The following TEX101 variants were observed in gnomAD, a reference collection of about 807,000 sequenced individuals.
TEX101 encodes the protein testis expressed 101, also known as testis-expressed protein 101.
Under a neutral mutation model 18.1 loss-of-function variants are expected in TEX101, and 10 were observed. That is an observed-to-expected ratio of 0.55 (90% CI 0.34 to 0.94). The LOEUF (loss-of-function observed/expected upper bound fraction) is 0.94, where lower values mean the gene tolerates loss of function less well. TEX101 is among the 40% of genes least tolerant of loss of function. The pLI is 0.02. For synonymous variants in TEX101, 94 were observed against 114.8 expected, an observed-to-expected ratio of 0.82 and a Z score of 1.16; for missense variants, 259 against 298.9, an observed-to-expected ratio of 0.87 and a Z score of 0.98.
At chr19:43,400,944 TTA>T (rs1190662193), upstream of TEX101, among the ~76,000 whole-genome samples, 16 of 152,164 alleles carry the variant, frequency 1.1e-4, no homozygotes, top group Admixed American at 1.0e-3. Flanking sequence ...TTTTAAAAGT[TTA>T]TTTGTCTTTT....
chr19:43,403,869 C>A lies in TEX101; in HGVS notation c.-283+1010C>A, dbSNP rs368009514. On this transcript the variant is annotated intron_variant, in intron 2 of 7. Coordinates refer to the TEX101 transcript ENST00000602198. ...CCTGGCTAACACAATGAAACCCTGTCTCTACTAAAAATGCAAAAAATTAGC... is the reference window on the plus strand; with the variant it reads ...CCTGGCTAACACAATGAAACCCTGTATCTACTAAAAATGCAAAAAATTAGC... Among the ~76,000 whole-genome samples, 467 of 151,962 alleles carry A rather than the reference C, an allele frequency of 3.1e-3. 2 individuals carry two copies. Among genetic ancestry groups the A allele is most frequent in the African/African-American group, 0.01 (429 of 41,470 alleles).
At chr19:43,407,342 G>A (rs1332884290) in intron 3 of TEX101, among the ~76,000 whole-genome samples, 3 of 152,104 alleles carry the variant, frequency 2.0e-5, no homozygotes, top group African/African-American at 7.2e-5. Context: ...AAAATTAGCC[G>A]GGCGTGGTGG....
At chr19:43,395,962 C>T in the TEX101 span, among the ~76,000 whole-genome samples, 5 of 152,202 alleles carry the variant, frequency 3.3e-5, no homozygotes, top group Admixed American at 1.3e-4. Flanking sequence ...AAAGTTCACT[C>T]CTGCAGGTCC....
upstream of TEX101, among the ~76,000 whole-genome samples, chr19:43,410,416 C>G (rs1250697937): frequency 6.6e-6 from 1 of 152,040 alleles, no homozygotes; most frequent in East Asian, 1.9e-4. Context: ...AGATATTAGA[C>G]AGGGAATGAT....
chr19:43,399,829 C>T (rs1324330681), upstream of TEX101, among the ~76,000 whole-genome samples: 4 of 136,324 alleles, frequency 2.9e-5, no homozygotes, highest in African/African-American at 5.5e-5. Context: ...TTTTTAAAGA[C>T]GAAGTTTCAC....
chr19:43,410,147 T>C (rs1038304673), upstream of TEX101, among the ~76,000 whole-genome samples: 2 of 152,138 alleles, frequency 1.3e-5, no homozygotes, highest in Non-Finnish European at 2.9e-5. Context: ...GAAAAGCCTG[T>C]TGGTTTGAGA....
chr19:43,414,906 C>G lies in TEX101; in HGVS notation c.-172C>G, dbSNP rs553361163. 2 of 985,320 alleles carry G rather than the reference C, an allele frequency of 2.0e-6. No homozygotes were observed. The highest frequency in any genetic ancestry group is 4.7e-5 in the South Asian group (1 of 21,290). The allele number at this position is 985,320 out of a possible 1,614,324, so 61.0% of individuals were successfully genotyped here. A position where few individuals can be genotyped will look rare whatever the true frequency, so the allele number is the denominator to read the frequency against. On this transcript the variant is annotated 5_prime_UTR_variant, in exon 1 of 6. Coordinates refer to ENST00000598265, the MANE Select transcript of TEX101 (RefSeq NM_001130011.3). ...TTGCGTCGTAAGAGAATGCCAAGCC[C>G]GGGGAGAAGGCGTTCCGGGCCTCAA...
chr19:43,415,548 G>A (rs1970464796), intron 1 of TEX101, among the ~76,000 whole-genome samples: 1 of 152,084 alleles, frequency 6.6e-6, no homozygotes, highest in Non-Finnish European at 1.5e-5. Context: ...GATCACCTGA[G>A]ATCAGGAGTT....
At chr19:43,396,638 C>A (rs1331483248), upstream of TEX101, among the ~76,000 whole-genome samples, 1 of 152,038 alleles carries the variant, frequency 6.6e-6, no homozygotes. Flanking sequence ...TTACATGGAA[C>A]CAAATGGAGG....
At chr19:43,412,086 T>C (rs987093516), upstream of TEX101, among the ~76,000 whole-genome samples, 1 of 152,176 alleles carries the variant, frequency 6.6e-6, no homozygotes. Flanking sequence ...GGGCTGTGTA[T>C]TGGGGTGTTC....
intron 3 of TEX101, among the ~76,000 whole-genome samples, chr19:43,409,168 T>TAAC (rs971850183): frequency 2.6e-5 from 4 of 152,150 alleles, no homozygotes; most frequent in African/African-American, 9.7e-5. Context: ...AATGGTTGGA[T>TAAC]AACATCTACC....
chr19:43,414,747 C>G (rs1275224023), upstream of TEX101: 2 of 791,334 alleles, frequency 2.5e-6, no homozygotes, highest in Admixed American at 6.2e-5. Flanking sequence ...GCGCACCCTC[C>G]GAGATTGCCA....
chr19:43,399,823 T>A (rs972492687), upstream of TEX101, among the ~76,000 whole-genome samples: 5 of 136,848 alleles, frequency 3.7e-5, no homozygotes, highest in Admixed American at 1.5e-4. Flanking sequence ...TTTTTTTTTT[T>A]AAAGACGAAG....
the TEX101 span, among the ~76,000 whole-genome samples, chr19:43,394,508 T>G: frequency 6.6e-6 from 1 of 151,394 alleles, no homozygotes; most frequent in Non-Finnish European, 1.5e-5. Flanking sequence ...TCTCACTCTG[T>G]CGCCCAGGCT....
intron 1 of TEX101, 122 bp from the exon 2 acceptor site, chr19:43,415,759 C>CAAAA: frequency 5.7e-6 from 4 of 703,420 alleles, no homozygotes; most frequent in Non-Finnish European, 9.1e-6. Context: ...GACTCCGTCT[C>CAAAA]AAAAAAAAAA....
intron 4 of TEX101, among the ~76,000 whole-genome samples, chr19:43,417,148 T>G (rs1970489116): frequency 6.6e-6 from 1 of 151,966 alleles, no homozygotes; most frequent in Non-Finnish European, 1.5e-5. Flanking sequence ...AGTTCCCCAA[T>G]TTACAAGGCC....
At chr19:43,393,705 A>T in the TEX101 span, among the ~76,000 whole-genome samples, 6 of 152,058 alleles carry the variant, frequency 3.9e-5, no homozygotes, top group Admixed American at 3.9e-4. Flanking sequence ...CATAACATGG[A>T]TTGTTAATTT....
the TEX101 span, among the ~76,000 whole-genome samples, chr19:43,394,198 T>C: frequency 9.2e-4 from 140 of 152,012 alleles, no homozygotes; most frequent in African/African-American, 3.2e-3. Flanking sequence ...TTCTTGGTGC[T>C]AAAGAAATTG....
At chr19:43,412,524 G>A (rs1239153460), upstream of TEX101, among the ~76,000 whole-genome samples, 2 of 152,158 alleles carry the variant, frequency 1.3e-5, no homozygotes, top group Non-Finnish European at 2.9e-5. Context: ...GAAGAATAGA[G>A]GTGGAGGGTG....
Sources: allele counts gnomAD v4.1 joint callset (sites outside exome capture counted in the v4.1 genomes callset), GRCh38; gene constraint gnomAD v4.1.1; transcripts MANE v1.5; gene names NCBI Gene and HGNC (gene_info 2026-07-23, HGNC 2026-07-21).